Variants in CDH2 observed in about 807,000 individuals in gnomAD.
CDH2 encodes the protein cadherin 2, also known as cadherin-2.
A neutral mutation model predicts 92.0 loss-of-function variants in CDH2; 17 were observed. The ratio of observed to expected loss-of-function variants is 0.18; its 90% CI spans 0.13 to 0.28. The LOEUF (loss-of-function observed/expected upper bound fraction) is 0.28. CDH2 is among the 10% of genes least tolerant of loss of function. The pLI is 1.00. For missense variants in CDH2, 862 were observed against 1,133.1 expected (o/e 0.76, Z 3.44); for synonymous variants, 419 against 415.9 (o/e 1.01, Z -0.09).
chr18:28,007,177 T>C (rs868833557), intron 5 of CDH2, among the ~76,000 whole-genome samples: 2 of 139,180 alleles, frequency 1.4e-5, no homozygotes, highest in Admixed American at 7.3e-5. Context: ...TATATATATA[T>C]ATATATATAT....
chr18:28,044,939 G>A (rs2014043697), intron 2 of CDH2, among the ~76,000 whole-genome samples: 1 of 151,636 alleles, frequency 6.6e-6, no homozygotes, highest in Non-Finnish European at 1.5e-5. Flanking sequence ...ATTTCATTAT[G>A]ACTTAAATTC....
intron 14 of CDH2, among the ~76,000 whole-genome samples, chr18:27,976,651 G>T (rs2011841146): frequency 1.3e-5 from 2 of 152,174 alleles, no homozygotes; most frequent in Admixed American, 6.5e-5. Flanking sequence ...AAGGACAAAT[G>T]AACTAATGTA....
At chr18:28,048,343 A>T (rs1438145197) in intron 2 of CDH2, among the ~76,000 whole-genome samples, 1 of 152,198 alleles carries the variant, frequency 6.6e-6, no homozygotes, top group Non-Finnish European at 1.5e-5. Flanking sequence ...GGGGAGCTAC[A>T]GTAAACTTTT....
At chr18:28,004,877 T>C (rs1318818718) in intron 6 of CDH2, among the ~76,000 whole-genome samples, 1 of 152,108 alleles carries the variant, frequency 6.6e-6, no homozygotes, top group Non-Finnish European at 1.5e-5. Context: ...GGCAGAGATA[T>C]GCACTTGGAC....
intron 2 of CDH2, among the ~76,000 whole-genome samples, chr18:28,034,876 C>T (rs2013787714): frequency 6.6e-6 from 1 of 151,992 alleles, no homozygotes; most frequent in Non-Finnish European, 1.5e-5. Flanking sequence ...TATATCTCAT[C>T]CCCTCTAAAA....
In CDH2 at chr18:28,171,032, G is replaced by A. The variant is rs115666660; in HGVS notation, c.60+5931C>T. The stretch of plus-strand genomic sequence containing the variant: ...TTCCCTGAAGTCAGGAGTTCGAGTC[G>A]AGACCAGCCTTGCCAACATGGTGAA... On this transcript the variant is annotated intron_variant, in intron 1 of 15. Coordinates refer to ENST00000269141, the MANE Select transcript of CDH2 (RefSeq NM_001792.5). 4.2e-3 allele frequency among the ~76,000 whole-genome samples: 637 copies of A among 151,672 alleles called. 4 individuals are homozygous for A. Among genetic ancestry groups the A allele is most frequent in the African/African-American group, 0.015 (604 of 41,334 alleles).
intron 2 of CDH2, among the ~76,000 whole-genome samples, chr18:28,118,929 A>G (rs1454271254): frequency 2.0e-5 from 3 of 152,204 alleles, no homozygotes; most frequent in African/African-American, 7.2e-5. Flanking sequence ...CAAATCCTGA[A>G]AAATCTCTAA....
chr18:28,065,005 A>C (rs559670956), intron 2 of CDH2, among the ~76,000 whole-genome samples: 2 of 152,106 alleles, frequency 1.3e-5, no homozygotes, highest in East Asian at 3.9e-4. Flanking sequence ...TCCTTCCCCA[A>C]AGCTGCTTAC....
intron 2 of CDH2, among the ~76,000 whole-genome samples, chr18:28,036,766 C>T (rs1036456752): frequency 1.3e-5 from 2 of 152,092 alleles, no homozygotes; most frequent in African/African-American, 4.8e-5. Flanking sequence ...AAATTCTTGC[C>T]CCCAACCTTG....
intron 2 of CDH2, among the ~76,000 whole-genome samples, chr18:28,065,568 G>A (rs2014490592): frequency 6.6e-6 from 1 of 152,174 alleles, no homozygotes; most frequent in Non-Finnish European, 1.5e-5. Flanking sequence ...TCAAGTGCCA[G>A]GAATGCTACA....
At position 27,995,368 on chromosome 18, in the gene CDH2, C is replaced by T. The variant is rs2012549533; in HGVS notation, c.1021-1731G>A. ...ATAGGCTATAATACTTCTTCAGTTG[C>T]TTTCCTTCCCCAATTAGAAGTGTCA... On this transcript the variant is annotated intron_variant, in intron 7 of 15. Transcript: ENST00000269141. 2.0e-5 allele frequency among the ~76,000 whole-genome samples: 3 copies of T among 150,326 alleles called. No homozygotes were observed. The South Asian group carries it at 6.4e-4, about 32-fold the overall frequency.
intron 2 of CDH2, chr18:28,045,339 T>C (rs1201524683): frequency 2.2e-6 from 1 of 446,336 alleles, no homozygotes; most frequent in East Asian, 7.0e-5. Context: ...TGAATAAGTC[T>C]TTGTAAAACC....
chr18:28,138,144 A>G (rs1466712303), intron 2 of CDH2, among the ~76,000 whole-genome samples: 1 of 152,056 alleles, frequency 6.6e-6, no homozygotes, highest in Non-Finnish European at 1.5e-5. Flanking sequence ...ATGAGGATTT[A>G]AAATAAGTAC....
chr18:28,098,267 T>A (rs2015169507), intron 2 of CDH2, among the ~76,000 whole-genome samples: 1 of 152,150 alleles, frequency 6.6e-6, no homozygotes, highest in African/African-American at 2.4e-5. Context: ...TTAGGAAAAA[T>A]GCATTAAAGA....
intron 2 of CDH2, among the ~76,000 whole-genome samples, chr18:28,107,983 T>C (rs2015350509): frequency 6.6e-6 from 1 of 152,234 alleles, no homozygotes; most frequent in Non-Finnish European, 1.5e-5. Flanking sequence ...AAGAACTTTC[T>C]TGTTTACAAT....
chr18:28,004,343 C>G (rs1457062398), intron 6 of CDH2, among the ~76,000 whole-genome samples: 1 of 152,180 alleles, frequency 6.6e-6, no homozygotes, highest in Non-Finnish European at 1.5e-5. Context: ...AAAAAGGTAT[C>G]TTTCAGAAGT....
At position 28,011,968 on chromosome 18, in the gene CDH2, C is replaced by A; in HGVS notation, c.424G>T (p.Val142Leu). The A allele has an allele frequency of 6.2e-7, 1 of 1,613,714 alleles. No homozygotes were observed. Among genetic ancestry groups the A allele is most frequent in the South Asian group, 1.1e-5 (1 of 91,032 alleles). Residue 142 changes from valine (V) to leucine (L), a missense_variant, in exon 4 of 16, where the codon GTG becomes TTG. Around this residue, in one of 5 missense-constraint regions of CDH2, gnomAD observed 159 missense variants for 177.2 expected, o/e 0.90. Transcript: ENST00000269141. Reference sequence around the variant, plus strand: ...TGCTTACTGAATTGTCTTGGGAACACTATTTCTTCAACTTCTGCTGACTCC... The same window carrying A: ...TGCTTACTGAATTGTCTTGGGAACAATATTTCTTCAACTTCTGCTGACTCC... ...VKESAEVEEI[V>L]FPRQFSKHSG...
intron 2 of CDH2, among the ~76,000 whole-genome samples, chr18:28,140,939 C>T (rs59583745): frequency 2.0e-5 from 3 of 149,340 alleles, no homozygotes; most frequent in South Asian, 2.1e-4. Context: ...TATGAAATAT[C>T]GTTAGTCATT....
chr18:28,108,008 C>T (rs2015350831), intron 2 of CDH2, among the ~76,000 whole-genome samples: 1 of 152,198 alleles, frequency 6.6e-6, no homozygotes, highest in Admixed American at 6.5e-5. Context: ...ATCTTCCCCT[C>T]TGTTACAAAT....
Sources: allele counts gnomAD v4.1 joint callset (sites outside exome capture counted in the v4.1 genomes callset), GRCh38; gene constraint gnomAD v4.1.1; regional missense constraint gnomAD v4.1.1; transcripts MANE v1.5; gene names NCBI Gene and HGNC (gene_info 2026-07-23, HGNC 2026-07-21).